MED26: variants seen among roughly 807,000 people sequenced by gnomAD.
MED26 encodes mediator complex subunit 26, also known as mediator of RNA polymerase II transcription subunit 26.
Under a neutral mutation model 43.7 loss-of-function variants are expected in MED26, and 7 were observed. The ratio of observed to expected loss-of-function variants is 0.16; its 90% confidence interval spans 0.09 to 0.30. The LOEUF is 0.30. Among genes scored for constraint, MED26 ranks in the 10% least tolerant of loss-of-function variants. The pLI, the probability that MED26 is intolerant of heterozygous loss-of-function variation, is 1.00. For missense variants in MED26, 784 were observed against 840.6 expected (o/e 0.93, Z 0.83); for synonymous variants, 375 against 371.1 (o/e 1.01, Z -0.12).
At chr19:16,627,731 A>G in intron 1 of MED26, 141 bp downstream of exon 1, 1 of 516,130 alleles carries the variant, frequency 1.9e-6, no homozygotes, top group Non-Finnish European at 3.1e-6. Context: ...CCGAGAAGCG[A>G]GAGGCAGGGA....
intron 1 of MED26, among the ~76,000 whole-genome samples, chr19:16,627,573 A>G (rs1156970781): frequency 6.6e-6 from 1 of 152,168 alleles, no homozygotes; most frequent in Non-Finnish European, 1.5e-5. Context: ...CTTCGTCCAG[A>G]GCAGTGAGGG....
chr19:16,584,267 G>GA lies in MED26; in HGVS notation c.73-5859dup, dbSNP rs576169701. Among the ~76,000 whole-genome samples, 224 of 96,650 alleles carry GA rather than the reference G, an allele frequency of 2.3e-3. 4 individuals are homozygous for GA. In the South Asian group the frequency reaches 0.053, roughly 23 times the overall value. The allele number at this position is 96,650 out of a possible 152,430, so 63.4% of individuals were successfully genotyped here. ...GACTCCGTCTCAAAAAAAAGAAAAA[G>GA]AAAAAAAAAACCGAAACCCAAACAC... On this transcript the variant is annotated intron_variant, in intron 1 of 2. Coordinates refer to ENST00000263390, the MANE Select transcript of MED26 (RefSeq NM_004831.5).
rs988422293 is a variant in MED26, at chr19:16,574,926, T to C, written c.*1101A>G. On this transcript the variant is annotated 3_prime_UTR_variant, in exon 3 of 3. Coordinates refer to ENST00000263390, the MANE Select transcript of MED26 (RefSeq NM_004831.5). The stretch of plus-strand genomic sequence containing the variant: ...CAGACTGGTTTGTGCAAATGGTTTT[T>C]TTTTTTTTTTTATTTCCACATTTAT... 1 of 152,484 alleles carries C rather than the reference T, an allele frequency of 6.6e-6. No homozygotes were observed. Among genetic ancestry groups the C allele is most frequent in the Admixed American group, 6.6e-5 (1 of 15,260 alleles). The allele number at this position is 152,484 out of a possible 1,614,324, so 9.4% of individuals were successfully genotyped here.
intron 1 of MED26, among the ~76,000 whole-genome samples, chr19:16,583,274 C>T (rs1435386479): frequency 6.6e-6 from 1 of 152,238 alleles, no homozygotes; most frequent in Non-Finnish European, 1.5e-5. Flanking sequence ...CTCAAAACAC[C>T]TGCCAAGTTG....
In MED26 at chr19:16,576,278, C is replaced by T; in HGVS notation, c.1552G>A (p.Glu518Lys). 1.9e-6 allele frequency: 3 copies of T among 1,611,848 alleles called. No homozygotes were observed. The East Asian group carries it at 6.7e-5, about 36-fold the overall frequency. The stretch of plus-strand genomic sequence containing the variant: ...CTGGCCCCTTGCCGGGTGCTCTCCT[C>T]CTGCTTCAGGTACTCAGACATGAAG... ...HHFMSEYLKQ[E>K]ESTRQGARQL... Residue 518 changes from glutamate to lysine, a missense_variant, in exon 3 of 3, where the codon GAG becomes AAG. By Grantham distance (56) the Glu-to-Lys change is moderately conservative (BLOSUM62 1). Transcript: ENST00000263390. The surrounding 1 kb of genome is among the most constrained non-coding windows in gnomAD (Gnocchi z 6.8).
Position 16,575,565 on chromosome 19 carries a change from G to C in MED26, c.*462C>G, listed in dbSNP as rs1485416176. 1 of 165,190 alleles carries C rather than the reference G, an allele frequency of 6.1e-6. No homozygotes were observed. The highest frequency in any genetic ancestry group is 1.3e-5 in the Non-Finnish European group (1 of 74,974). 10.2% of individuals were successfully genotyped at this position (165,190 alleles called of 1,614,324 possible). A position where few individuals can be genotyped will look rare whatever the true frequency, so the allele number is the denominator to read the frequency against. Reference sequence around the variant, plus strand: ...GCAGTGGCATGGCCCACTGTCTCAAGACACTCAGGGCCAAATTAAAGAACA... The same window carrying C: ...GCAGTGGCATGGCCCACTGTCTCAACACACTCAGGGCCAAATTAAAGAACA... On this transcript the variant is annotated 3_prime_UTR_variant, in exon 3 of 3. Transcript: ENST00000263390.
At chr19:16,596,780 C>T (rs1287043454) in intron 1 of MED26, among the ~76,000 whole-genome samples, 1 of 152,170 alleles carries the variant, frequency 6.6e-6, no homozygotes, top group Non-Finnish European at 1.5e-5. Flanking sequence ...TTCCAAGACT[C>T]CTCCAGGTGT....
intron 1 of MED26, among the ~76,000 whole-genome samples, chr19:16,614,730 G>T (rs1217513419): frequency 1.3e-5 from 2 of 152,116 alleles, no homozygotes; most frequent in Admixed American, 6.5e-5. Context: ...TGCAGACCAT[G>T]CCAGTATGGC....
intron 1 of MED26, among the ~76,000 whole-genome samples, chr19:16,620,631 A>G (rs942282185): frequency 1.3e-5 from 2 of 152,338 alleles, no homozygotes; most frequent in East Asian, 3.8e-4. Context: ...CAGCAGGAAT[A>G]TAAGGTGTTA....
chr19:16,620,730 C>T (rs2086247935), intron 1 of MED26, among the ~76,000 whole-genome samples: 2 of 152,218 alleles, frequency 1.3e-5, no homozygotes, highest in South Asian at 4.1e-4. Context: ...ACAGGAGGCT[C>T]CCAACTGGAG....
At chr19:16,618,037 C>T (rs2086233872) in intron 1 of MED26, among the ~76,000 whole-genome samples, 1 of 151,368 alleles carries the variant, frequency 6.6e-6, no homozygotes, top group Admixed American at 6.6e-5. Context: ...CTTGACTCTA[C>T]CCCTCTCCAT....
At chr19:16,613,891 C>T (rs1481357546) in intron 1 of MED26, among the ~76,000 whole-genome samples, 1 of 152,150 alleles carries the variant, frequency 6.6e-6, no homozygotes, top group African/African-American at 2.4e-5. Context: ...GATCCATGCC[C>T]TGGGCTTGGT....
chr19:16,593,035 C>T (rs893628323), intron 1 of MED26, among the ~76,000 whole-genome samples: 1 of 152,258 alleles, frequency 6.6e-6, no homozygotes, highest in Admixed American at 6.5e-5. Context: ...GTGGGCCAAG[C>T]AGGCAACTGA....
At chr19:16,588,859 CCTT>C (rs893089530) in intron 1 of MED26, 1 of 152,268 alleles carries the variant, frequency 6.6e-6, no homozygotes, top group African/African-American at 2.4e-5. Context: ...GAACTAGTGA[CCTT>C]CTAGAATTCC....
At chr19:16,598,464 A>ATGG (rs1485712764) in intron 1 of MED26, among the ~76,000 whole-genome samples, 1 of 151,854 alleles carries the variant, frequency 6.6e-6, no homozygotes, top group Admixed American at 6.6e-5. Flanking sequence ...TGGCGACATG[A>ATGG]TGGTGATGCC....
chr19:16,598,103 G>A (rs777365205), intron 1 of MED26, among the ~76,000 whole-genome samples: 10 of 151,718 alleles, frequency 6.6e-5, no homozygotes, highest in Non-Finnish European at 1.2e-4. Flanking sequence ...GGGAGGCCAA[G>A]GCAGGTGGAT....
chr19:16,609,336 A>AAAAAAAAAAAAAGAGAGAGAG (rs765489188), intron 1 of MED26, among the ~76,000 whole-genome samples: 1 of 142,266 alleles, frequency 7.0e-6, no homozygotes, highest in Non-Finnish European at 1.6e-5. Flanking sequence ...AAAAAAAAAA[A>AAAAAAAAAAAAAGAGAGAGAG]AGAGAGAGAA....
chr19:16,614,251 G>A (rs1046851816), intron 1 of MED26, among the ~76,000 whole-genome samples: 2 of 152,156 alleles, frequency 1.3e-5, no homozygotes, highest in Non-Finnish European at 2.9e-5. Flanking sequence ...TGTCTGGCCC[G>A]GCGCACGGTC....
chr19:16,578,950 A>C (rs1043862927), intron 1 of MED26, among the ~76,000 whole-genome samples: 3 of 151,986 alleles, frequency 2.0e-5, no homozygotes, highest in African/African-American at 7.3e-5. Flanking sequence ...AAAATACAAA[A>C]ATTAGTTGGG....
Sources: gnomAD v4.1 joint callset for allele counts (sites outside exome capture counted in the v4.1 genomes callset) on GRCh38, gnomAD v4.1.1 for gene constraint, Gnocchi (gnomAD v3.1) non-coding constraint, MANE v1.5 for transcripts, NCBI Gene and HGNC (gene_info 2026-07-23, HGNC 2026-07-21) for gene names.